KCTD20: variants seen among roughly 807,000 people sequenced by gnomAD.
The protein encoded by KCTD20 is potassium channel tetramerization domain containing 20.
In KCTD20, 30 loss-of-function variants were observed where a neutral mutation model predicts 39.6. That is an observed-to-expected ratio of 0.76 (90% CI 0.57 to 1.03). The LOEUF (loss-of-function observed/expected upper bound fraction) is 1.03. Among genes scored for constraint, KCTD20 ranks in the 50% least tolerant of loss-of-function variants. The pLI, the probability that KCTD20 is intolerant of heterozygous loss-of-function variation, is 0.00. For missense variants in KCTD20, 422 were observed against 522.0 expected, an observed-to-expected ratio of 0.81 and a Z score of 1.87; for synonymous variants, 162 against 180.6, an observed-to-expected ratio of 0.90 and a Z score of 0.83.
At chr6:36,453,319 T>C (rs1775325584) in intron 1 of KCTD20, among the ~76,000 whole-genome samples, 1 of 151,702 alleles carries the variant, frequency 6.6e-6, no homozygotes, top group African/African-American at 2.4e-5. Context: ...GCCTTTTGTT[T>C]TATTTTGTTT....
At chr6:36,453,336 C>G (rs1055515413) in intron 1 of KCTD20, among the ~76,000 whole-genome samples, 84 of 151,954 alleles carry the variant, frequency 5.5e-4, no homozygotes, top group Admixed American at 4.8e-3. Context: ...GTTTTGTTTT[C>G]TTAAAGCCAA....
intron 3 of KCTD20, among the ~76,000 whole-genome samples, chr6:36,478,431 GACAGCAAGC>G (rs1274098289): frequency 1.3e-5 from 2 of 152,190 alleles, no homozygotes; most frequent in Non-Finnish European, 2.9e-5. Context: ...AGTTCATGCT[GACAGCAAGC>G]CTGTCTCTCT....
Position 36,489,770 on chromosome 6 carries a change from T to C in KCTD20, c.*2595T>C, listed in dbSNP as rs1418660600. 2 of 152,224 alleles carry C rather than the reference T, an allele frequency of 1.3e-5. No homozygotes were observed. The highest frequency in any genetic ancestry group is 4.8e-5 in the African/African-American group (2 of 41,448). The allele number at this position is 152,224 out of a possible 1,614,324, so 9.4% of individuals were successfully genotyped here. ...AATAAGCAAGCCAGGCTGTTGATATTTTAGCCAGAGAAATCGGCAAGCCAA... is the reference window on the plus strand; with the variant it reads ...AATAAGCAAGCCAGGCTGTTGATATCTTAGCCAGAGAAATCGGCAAGCCAA... On this transcript the variant is annotated 3_prime_UTR_variant, in exon 8 of 8. Coordinates refer to ENST00000373731, the MANE Select transcript of KCTD20 (RefSeq NM_173562.5).
chr6:36,446,613 CCT>C (rs1299708363), intron 1 of KCTD20, among the ~76,000 whole-genome samples: 5 of 152,144 alleles, frequency 3.3e-5, no homozygotes, highest in Admixed American at 1.3e-4. Context: ...ACAGGGAGAC[CCT>C]GTCTGTATTA....
rs1776480750 is a variant in KCTD20 at position 36,488,104 on chromosome 6, A to G, written c.*929A>G. The stretch of plus-strand genomic sequence containing the variant: ...GCTCAGTTTCTCAACAGAAAGACTC[A>G]TAAGAGTGCCAGCATGGGGTACATG... On this transcript the variant is annotated 3_prime_UTR_variant, in exon 8 of 8. Coordinates refer to ENST00000373731, the MANE Select transcript of KCTD20 (RefSeq NM_173562.5). 1 of 152,276 alleles carries G rather than the reference A, an allele frequency of 6.6e-6. No individual in the cohort carries two copies. 9.4% of individuals were successfully genotyped at this position (152,276 alleles called of 1,614,324 possible). A position where few individuals can be genotyped will look rare whatever the true frequency, so the allele number is the denominator to read the frequency against.
At chr6:36,457,254 A>G (rs1020703235) in intron 1 of KCTD20, among the ~76,000 whole-genome samples, 3 of 152,184 alleles carry the variant, frequency 2.0e-5, no homozygotes, top group Admixed American at 2.0e-4. Flanking sequence ...ATTAATGAAG[A>G]TACTATTTAA....
chr6:36,484,829 A>T lies in KCTD20; in HGVS notation c.967+5A>T. 1 of 1,325,724 alleles carries T rather than the reference A, an allele frequency of 7.5e-7. No individual in the cohort carries two copies. Among genetic ancestry groups the T allele is most frequent in the Non-Finnish European group, 1.0e-6 (1 of 958,054 alleles). The allele number at this position is 1,325,724 out of a possible 1,614,324, so 82.1% of individuals were successfully genotyped here. A position where few individuals can be genotyped will look rare whatever the true frequency, so the allele number is the denominator to read the frequency against. Reference sequence around the variant, plus strand: ...ACATTCGCATTGGAATTGAAGGTAAAAAAAAAAAAAAAATCCCAGTCAACA... The same window carrying T: ...ACATTCGCATTGGAATTGAAGGTAATAAAAAAAAAAAAATCCCAGTCAACA... On this transcript the variant is annotated splice_donor_5th_base_variant and intron_variant, in intron 7 of 7. Coordinates refer to ENST00000373731, the MANE Select transcript of KCTD20 (RefSeq NM_173562.5).
chr6:36,448,924 G>A (rs1775142613), intron 1 of KCTD20, among the ~76,000 whole-genome samples: 1 of 151,966 alleles, frequency 6.6e-6, no homozygotes, highest in Non-Finnish European at 1.5e-5. Context: ...GAGTGTTACA[G>A]CTCTTAAAGG....
chr6:36,449,775 C>T (rs545630835), intron 1 of KCTD20, among the ~76,000 whole-genome samples: 1 of 152,290 alleles, frequency 6.6e-6, no homozygotes, highest in African/African-American at 2.4e-5. Context: ...AAGGCACTGT[C>T]TCCAAATACA....
At chr6:36,468,569 G>A (rs1432461097) in intron 1 of KCTD20, among the ~76,000 whole-genome samples, 1 of 152,182 alleles carries the variant, frequency 6.6e-6, no homozygotes, top group African/African-American at 2.4e-5. Flanking sequence ...CCAATTCCAT[G>A]GACCTTGTTC....
rs148182109 is a variant in KCTD20 at position 36,466,475 on chromosome 6, G to A, written c.-46-3577G>A. Among the ~76,000 whole-genome samples the A allele has an allele frequency of 6.2e-3, 933 of 150,568 alleles. 12 individuals are homozygous for A. Among genetic ancestry groups the A allele is most frequent in the African/African-American group, 0.022 (895 of 40,866 alleles). On this transcript the variant is annotated intron_variant, in intron 1 of 7. Coordinates refer to ENST00000373731, the MANE Select transcript of KCTD20 (RefSeq NM_173562.5). Reference sequence around the variant, plus strand: ...CAGCTCACTACAGCCTCGACCTCCTGGGCTTAAATCATCCTCCCGCCTCAG... The same window carrying A: ...CAGCTCACTACAGCCTCGACCTCCTAGGCTTAAATCATCCTCCCGCCTCAG...
chr6:36,486,823 G>C (rs776041837), intron 7 of KCTD20, 60 bp from the exon 8 acceptor site: 43 of 1,353,646 alleles, frequency 3.2e-5, no homozygotes, highest in Non-Finnish European at 4.1e-5. Context: ...GAAGGAGAAA[G>C]TATGGACACC....
chr6:36,473,690 G>A (rs973441482), intron 2 of KCTD20, among the ~76,000 whole-genome samples: 7 of 151,904 alleles, frequency 4.6e-5, no homozygotes, highest in Non-Finnish European at 8.8e-5. Context: ...GGAGAATAGC[G>A]TGAACCTGGG....
At chr6:36,461,949 C>G (rs1263541708) in intron 1 of KCTD20, among the ~76,000 whole-genome samples, 1 of 152,186 alleles carries the variant, frequency 6.6e-6, no homozygotes, top group Non-Finnish European at 1.5e-5. Context: ...TTCTTCTCTC[C>G]TGCTTCTCAT....
intron 1 of KCTD20, among the ~76,000 whole-genome samples, chr6:36,462,141 T>A (rs1022534991): frequency 6.6e-6 from 1 of 152,214 alleles, no homozygotes. Flanking sequence ...TCACCATTTT[T>A]CTGTTGTGTT....
At chr6:36,461,609 T>C (rs1482345850) in intron 1 of KCTD20, among the ~76,000 whole-genome samples, 1 of 152,230 alleles carries the variant, frequency 6.6e-6, no homozygotes, top group Non-Finnish European at 1.5e-5. Flanking sequence ...TAAATCCAAG[T>C]AACTCACATA....
At chr6:36,465,677 TAA>T (rs1467345615) in intron 1 of KCTD20, 1 of 152,160 alleles carries the variant, frequency 6.6e-6, no homozygotes, top group Non-Finnish European at 1.5e-5. Context: ...ATGATGGTGA[TAA>T]AACTATTTTG....
intron 1 of KCTD20, among the ~76,000 whole-genome samples, chr6:36,457,551 A>G (rs1237743996): frequency 6.6e-6 from 1 of 152,106 alleles, no homozygotes; most frequent in Admixed American, 6.6e-5. Context: ...TCTACTTAAA[A>G]TAGAATTAAA....
At chr6:36,450,947 G>C (rs1165227082) in intron 1 of KCTD20, 2 of 152,196 alleles carry the variant, frequency 1.3e-5, no homozygotes, top group East Asian at 3.8e-4. Context: ...CCAGGCTGAA[G>C]CATAGTAGCT....
Sources: gnomAD v4.1 joint callset for allele counts (sites outside exome capture counted in the v4.1 genomes callset) on GRCh38, gnomAD v4.1.1 for gene constraint, MANE v1.5 for transcripts, NCBI Gene and HGNC (gene_info 2026-07-23, HGNC 2026-07-21) for gene names.